The following TCF7L2 variants were observed in gnomAD, a reference collection of about 807,000 sequenced individuals.
TCF7L2 encodes transcription factor 7-like 2.
TCF7L2 carries 23 observed loss-of-function variants against 77.9 expected under a neutral mutation model. The observed-to-expected ratio is 0.30, with a 90% CI of 0.21 to 0.42. The LOEUF is 0.42. Among genes scored for constraint, TCF7L2 ranks in the 10% least tolerant of loss-of-function variants. The probability of loss-of-function intolerance (pLI) is 1.00; values close to 1 mark genes in which losing one functional copy is unlikely to be tolerated. For synonymous variants in TCF7L2, 413 were observed against 340.2 expected (o/e 1.21, Z -2.36); for missense variants, 654 against 793.1 (o/e 0.82, Z 2.11).
chr10:113,029,970 G>C (rs540253043), intron 4 of TCF7L2, among the ~76,000 whole-genome samples: 1 of 151,978 alleles, frequency 6.6e-6, no homozygotes, highest in Admixed American at 6.6e-5. Flanking sequence ...CAGTTCAGTG[G>C]TTTTTTAGTC....
At chr10:113,078,345 T>G (rs920590999) in intron 5 of TCF7L2, among the ~76,000 whole-genome samples, 3 of 152,182 alleles carry the variant, frequency 2.0e-5, no homozygotes, top group Admixed American at 2.0e-4. Flanking sequence ...ATGGTCCCCC[T>G]GAGACACTAA....
rs183294235 is a variant in TCF7L2 at position 113,077,749 on chromosome 10, G to A, written c.552+37623G>A. On this transcript the variant is annotated intron_variant, in intron 5 of 13. Coordinates refer to ENST00000627217, the MANE Select transcript of TCF7L2 (RefSeq NM_001146274.2). ...AGAGTCTTGCTGTGTCGCCCAGGCT[G>A]GAGTGCAGTGGCATATCTCGGCTCA... Among the ~76,000 whole-genome samples, 593 of 145,554 alleles carry A rather than the reference G, an allele frequency of 4.1e-3. 1 individual carries two copies. The highest frequency in any genetic ancestry group is 7.3e-3 in the Middle Eastern group (2 of 274).
intron 5 of TCF7L2, among the ~76,000 whole-genome samples, chr10:113,107,780 C>CAAA (rs2062587637): frequency 2.0e-5 from 2 of 102,460 alleles, no homozygotes; most frequent in East Asian, 2.7e-4. Flanking sequence ...AAAAAAACAA[C>CAAA]AAAAAAATCA....
In TCF7L2 at chr10:112,964,627, A is replaced by G. The variant is rs991176371; in HGVS notation, c.450+3A>G. On this transcript the variant is annotated splice_donor_region_variant and intron_variant, in intron 4 of 13. Coordinates refer to ENST00000627217, the MANE Select transcript of TCF7L2 (RefSeq NM_001146274.2). ...TTGAACACCAGATTGCAGTTCAGGT[A>G]GGAAACGCAAGAGATTCTGAAGCTT... The G allele has an allele frequency of 1.2e-6, 2 of 1,612,144 alleles. No individual in the cohort carries two copies. The highest frequency in any genetic ancestry group is 1.7e-5 in the Admixed American group (1 of 59,980).
chr10:112,952,602 G>T (rs950082280), intron 3 of TCF7L2, among the ~76,000 whole-genome samples: 3 of 152,186 alleles, frequency 2.0e-5, no homozygotes. Context: ...TAGGCCCGTC[G>T]TGGGCCCCAG....
intron 5 of TCF7L2, among the ~76,000 whole-genome samples, chr10:113,053,697 T>C (rs542430490): frequency 6.6e-6 from 1 of 152,280 alleles, no homozygotes; most frequent in Non-Finnish European, 1.5e-5. Context: ...CCTTGAGAAA[T>C]GGAGAGAGAA....
chr10:112,980,291 CT>C (rs1483647394), intron 4 of TCF7L2, among the ~76,000 whole-genome samples: 1 of 152,182 alleles, frequency 6.6e-6, no homozygotes. Context: ...GGTTTTTGTC[CT>C]GGTGAGCTTA....
intron 4 of TCF7L2, among the ~76,000 whole-genome samples, chr10:112,982,339 C>T (rs562141658): frequency 2.0e-4 from 30 of 152,058 alleles, no homozygotes; most frequent in Non-Finnish European, 3.5e-4. Context: ...GAAGACTGGC[C>T]TATCACGGGG....
intron 5 of TCF7L2, among the ~76,000 whole-genome samples, chr10:113,101,868 G>A (rs1163034059): frequency 1.1e-5 from 1 of 94,306 alleles, no homozygotes; most frequent in African/African-American, 4.1e-5. Context: ...GAGAGGTGTG[G>A]TGGCTCATGC....
chr10:112,974,598 A>G (rs1219342838), intron 4 of TCF7L2, among the ~76,000 whole-genome samples: 1 of 152,064 alleles, frequency 6.6e-6, no homozygotes, highest in East Asian at 1.9e-4. Flanking sequence ...GCCTGCCACC[A>G]TGCCTGGCTA....
At chr10:113,156,160 G>A (rs1187326909) in intron 11 of TCF7L2, among the ~76,000 whole-genome samples, 4 of 151,186 alleles carry the variant, frequency 2.6e-5, no homozygotes, top group Non-Finnish European at 1.5e-5. Flanking sequence ...CTGTCACCAG[G>A]GTGGAGTGCA....
Position 113,144,100 on chromosome 10 carries a change from CTGTGTGTGTG to C in TCF7L2, c.788+103_788+112del, listed in dbSNP as rs3830991. 0.14 allele frequency: 91,287 copies of C among 651,072 alleles called. 3,340 individuals are homozygous for C. Among genetic ancestry groups the C allele is most frequent in the Middle Eastern group, 0.26 (755 of 2,952 alleles). 40.3% of individuals were successfully genotyped at this position (651,072 alleles called of 1,614,324 possible). On this transcript the variant is annotated intron_variant, in intron 7 of 13. Coordinates refer to ENST00000627217, the MANE Select transcript of TCF7L2 (RefSeq NM_001146274.2). Reference sequence around the variant, plus strand: ...TTTATTATTTATTCTGTGTGTGTGTCTGTGTGTGTGTGTGTGTGTGTGTGTGTGTGTGTGT... The same window carrying C: ...TTTATTATTTATTCTGTGTGTGTGTCTGTGTGTGTGTGTGTGTGTGTGTGT...
chr10:113,034,007 A>G (rs2050695187), intron 4 of TCF7L2, among the ~76,000 whole-genome samples: 1 of 152,212 alleles, frequency 6.6e-6, no homozygotes, highest in Admixed American at 6.6e-5. Context: ...TATTTTAACC[A>G]TTCTGGGTAA....
At chr10:112,977,125 C>T (rs1169565337) in intron 4 of TCF7L2, among the ~76,000 whole-genome samples, 1 of 152,176 alleles carries the variant, frequency 6.6e-6, no homozygotes, top group Admixed American at 6.5e-5. Flanking sequence ...TGAGCCTGCA[C>T]AGACAGATTC....
At chr10:112,984,184 C>T (rs1257125562) in intron 4 of TCF7L2, among the ~76,000 whole-genome samples, 10 of 152,198 alleles carry the variant, frequency 6.6e-5, no homozygotes, top group African/African-American at 4.8e-5. Flanking sequence ...ACTTTCCCCC[C>T]GTACTTACCT....
intron 3 of TCF7L2, among the ~76,000 whole-genome samples, chr10:112,954,910 C>A (rs1167313439): frequency 6.6e-6 from 1 of 152,128 alleles, no homozygotes; most frequent in Non-Finnish European, 1.5e-5. Flanking sequence ...AACTTGGAAT[C>A]CAGCATTTAA....
chr10:113,070,443 A>G (rs1211777039), intron 5 of TCF7L2, among the ~76,000 whole-genome samples: 1 of 152,002 alleles, frequency 6.6e-6, no homozygotes, highest in East Asian at 1.9e-4. Context: ...GTAGAATCTC[A>G]TGTAATCCCA....
At chr10:113,122,419 T>C (rs938132826) in intron 5 of TCF7L2, among the ~76,000 whole-genome samples, 1 of 152,254 alleles carries the variant, frequency 6.6e-6, no homozygotes, top group African/African-American at 2.4e-5. Context: ...ATTAAAAGCA[T>C]TGTTTAGCCA....
intron 6 of TCF7L2, among the ~76,000 whole-genome samples, chr10:113,141,672 A>G (rs1564952563): frequency 6.6e-6 from 1 of 152,166 alleles, no homozygotes; most frequent in Non-Finnish European, 1.5e-5. Flanking sequence ...GGATGCAGGA[A>G]TCATATTGAA....
Sources: gnomAD v4.1 joint callset for allele counts (sites outside exome capture counted in the v4.1 genomes callset) on GRCh38, gnomAD v4.1.1 for gene constraint, MANE v1.5 for transcripts, NCBI Gene and HGNC (gene_info 2026-07-23, HGNC 2026-07-21) for gene names.